The following ADGRB3 variants were observed in gnomAD, a reference collection of about 807,000 sequenced individuals.
ADGRB3 encodes the protein brain-specific angiogenesis inhibitor 3.
A neutral mutation model predicts 193.4 loss-of-function variants in ADGRB3; 37 were observed. The observed-to-expected ratio is 0.19, with a 90% CI of 0.15 to 0.25. The LOEUF is 0.25. Among genes scored for constraint, ADGRB3 ranks in the 10% least tolerant of loss-of-function variants. The pLI, the probability that ADGRB3 is intolerant of heterozygous loss-of-function variation, is 1.00. For synonymous variants in ADGRB3, 690 were observed against 644.2 expected (o/e 1.07, Z -1.08); for missense variants, 1,637 against 1,852.9 (o/e 0.88, Z 2.14).
intron 4 of ADGRB3, among the ~76,000 whole-genome samples, chr6:68,930,896 A>G (rs1260454353): frequency 6.6e-6 from 1 of 152,084 alleles, no homozygotes; most frequent in African/African-American, 2.4e-5. Flanking sequence ...TTTAGGATTT[A>G]CATAGTAGCA....
At chr6:69,300,921 A>G (rs1182221549) in intron 20 of ADGRB3, among the ~76,000 whole-genome samples, 14 of 151,846 alleles carry the variant, frequency 9.2e-5, no homozygotes, top group Non-Finnish European at 2.1e-4. Context: ...CTTGGTTTAT[A>G]GAAGATTTAC....
At chr6:69,357,757 C>A (rs1016951139) in intron 28 of ADGRB3, among the ~76,000 whole-genome samples, 5 of 151,904 alleles carry the variant, frequency 3.3e-5, no homozygotes, top group Non-Finnish European at 7.4e-5. Flanking sequence ...ATTTGGCAAC[C>A]TGTAGTGGAC....
intron 3 of ADGRB3, among the ~76,000 whole-genome samples, chr6:68,681,141 C>A (rs987490957): frequency 1.3e-5 from 2 of 152,064 alleles, no homozygotes; most frequent in Non-Finnish European, 2.9e-5. Flanking sequence ...GAATAACCAG[C>A]TCTAACTAAT....
chr6:68,832,059 A>C (rs1767966837), intron 3 of ADGRB3, among the ~76,000 whole-genome samples: 1 of 152,124 alleles, frequency 6.6e-6, no homozygotes, highest in South Asian at 2.1e-4. Context: ...AAATAAGACT[A>C]CTTCATTTTA....
At position 68,944,071 on chromosome 6, in the gene ADGRB3, A is replaced by G. The variant is rs188648558; in HGVS notation, c.1195+77A>G. ...TTCCTAGTGTACACAAGAAATATTA[A>G]GAGTACAACCTTCATTCAGTCACGT... On this transcript the variant is annotated intron_variant, in intron 6 of 31. Coordinates refer to ENST00000370598, the MANE Select transcript of ADGRB3 (RefSeq NM_001704.3). 1.9e-4 allele frequency: 272 copies of G among 1,433,818 alleles called. 5 individuals are homozygous for G. The East Asian group carries it at 6.2e-3, about 33-fold the overall frequency. 88.8% of individuals were successfully genotyped at this position (1,433,818 alleles called of 1,614,324 possible).
At chr6:68,934,108 G>A (rs1767421967) in intron 4 of ADGRB3, among the ~76,000 whole-genome samples, 1 of 152,140 alleles carries the variant, frequency 6.6e-6, no homozygotes, top group Non-Finnish European at 1.5e-5. Context: ...GAAAAAAGAA[G>A]TATTTAGTGG....
intron 8 of ADGRB3, among the ~76,000 whole-genome samples, chr6:68,966,178 C>T (rs889344788): frequency 2.0e-4 from 31 of 152,092 alleles, no homozygotes; most frequent in Non-Finnish European, 4.4e-4. Context: ...TACAATCAGC[C>T]ATAGTGCTGA....
intron 8 of ADGRB3, among the ~76,000 whole-genome samples, chr6:68,972,034 G>A (rs1768587160): frequency 6.6e-6 from 1 of 152,204 alleles, no homozygotes; most frequent in African/African-American, 2.4e-5. Context: ...AACAGGCAGT[G>A]AAGTAGCTCT....
intron 11 of ADGRB3, among the ~76,000 whole-genome samples, chr6:69,010,588 A>G (rs1190646433): frequency 1.3e-5 from 2 of 151,972 alleles, no homozygotes; most frequent in Admixed American, 6.6e-5. Flanking sequence ...AGCTATTATT[A>G]CTCTTGTATT....
chr6:68,652,343 TC>T (rs1768385959), intron 3 of ADGRB3, among the ~76,000 whole-genome samples: 1 of 152,238 alleles, frequency 6.6e-6, no homozygotes, highest in East Asian at 1.9e-4. Flanking sequence ...CCACTCTATG[TC>T]ACACTTGTGA....
intron 24 of ADGRB3, among the ~76,000 whole-genome samples, chr6:69,336,255 G>A (rs1768845069): frequency 6.6e-6 from 1 of 151,932 alleles, no homozygotes; most frequent in South Asian, 2.1e-4. Context: ...ATTAAAAATG[G>A]CATGTATATT....
intron 15 of ADGRB3, among the ~76,000 whole-genome samples, chr6:69,054,670 G>T (rs1002762700): frequency 1.3e-5 from 2 of 151,884 alleles, no homozygotes; most frequent in Non-Finnish European, 2.9e-5. Flanking sequence ...TTAAAATCTC[G>T]GTTTAGTTTG....
chr6:68,814,539 G>A (rs184761962), intron 3 of ADGRB3, among the ~76,000 whole-genome samples: 2 of 152,132 alleles, frequency 1.3e-5, no homozygotes, highest in Non-Finnish European at 2.9e-5. Context: ...CTGTGCAGAA[G>A]CTCTTCAGTT....
chr6:68,938,881 A>G (rs752837505), intron 5 of ADGRB3, among the ~76,000 whole-genome samples: 2 of 152,176 alleles, frequency 1.3e-5, no homozygotes, highest in African/African-American at 2.4e-5. Flanking sequence ...ATATAAATTT[A>G]TCTAATCAGC....
chr6:69,043,776 A>G (rs571030292), intron 13 of ADGRB3, among the ~76,000 whole-genome samples: 1 of 152,372 alleles, frequency 6.6e-6, no homozygotes, highest in East Asian at 1.9e-4. Flanking sequence ...CAGAGAGTTT[A>G]GGCAATTTGC....
At chr6:68,754,609 T>C (rs1232001436) in intron 3 of ADGRB3, among the ~76,000 whole-genome samples, 1 of 152,084 alleles carries the variant, frequency 6.6e-6, no homozygotes, top group African/African-American at 2.4e-5. Context: ...TCCAGCAGAA[T>C]TGGAAATAAG....
At chr6:69,046,881 G>C (rs111624390) in intron 13 of ADGRB3, among the ~76,000 whole-genome samples, 1 of 151,980 alleles carries the variant, frequency 6.6e-6, no homozygotes, top group Non-Finnish European at 1.5e-5. Flanking sequence ...ATTTTGAGAC[G>C]CAGTCTTGCT....
intron 26 of ADGRB3, among the ~76,000 whole-genome samples, chr6:69,348,973 A>G (rs1254895817): frequency 6.6e-6 from 1 of 152,236 alleles, no homozygotes; most frequent in East Asian, 1.9e-4. Flanking sequence ...ATAGAGTGGT[A>G]CATTGGAATG....
intron 3 of ADGRB3, among the ~76,000 whole-genome samples, chr6:68,803,550 T>A (rs1015126275): frequency 1.3e-5 from 2 of 152,196 alleles, no homozygotes; most frequent in Non-Finnish European, 2.9e-5. Context: ...TCTTTTCACA[T>A]TCCCTTCCCA....
Sources: allele counts gnomAD v4.1 joint callset (sites outside exome capture counted in the v4.1 genomes callset), GRCh38; gene constraint gnomAD v4.1.1; transcripts MANE v1.5; gene names NCBI Gene and HGNC (gene_info 2026-07-23, HGNC 2026-07-21).